Variants in AKAP11 observed in about 807,000 individuals in gnomAD.
AKAP11 encodes the protein A-kinase anchoring protein 11.
AKAP11 carries 36 observed loss-of-function variants against 146.1 expected under a neutral mutation model. The observed-to-expected ratio is 0.25, with a 90% CI of 0.19 to 0.33. AKAP11 has a LOEUF of 0.33. Ranked by LOEUF, AKAP11 falls within the 10% of genes least tolerant of loss-of-function variation. AKAP11 has a pLI of 1.00. For missense variants in AKAP11, 2,201 were observed against 2,197.0 expected, an observed-to-expected ratio of 1.00 and a Z score of -0.04; for synonymous variants, 780 against 786.5, an observed-to-expected ratio of 0.99 and a Z score of 0.14.
chr13:42,316,103 T>G (rs1039324690), intron 11 of AKAP11, among the ~76,000 whole-genome samples: 2 of 152,116 alleles, frequency 1.3e-5, no homozygotes, highest in African/African-American at 4.8e-5. Flanking sequence ...CCAAACCTAT[T>G]TTTGATTGAG....
In AKAP11 at chr13:42,300,452, T is replaced by C; in HGVS notation, c.1706T>C (p.Leu569Ser). The C allele has an allele frequency of 1.2e-6, 2 of 1,613,998 alleles. No homozygotes were observed. Among genetic ancestry groups the C allele is most frequent in the Non-Finnish European group, 1.7e-6 (2 of 1,179,952 alleles). The change falls in exon 8 of 13, where the codon TTA becomes TCA. Residue 569 changes from leucine (L) to serine (S), a missense_variant. Transcript: ENST00000025301. ...EKSFGSAFKDLQKGVSSCTNA... is the reference protein window; with the variant it reads ...EKSFGSAFKDSQKGVSSCTNA... ...AGTTTTGGCAGTGCATTTAAAGACTTACAGAAAGGAGTCTCTTCATGTACC... is the reference window on the plus strand; with the variant it reads ...AGTTTTGGCAGTGCATTTAAAGACTCACAGAAAGGAGTCTCTTCATGTACC...
chr13:42,300,758 C>T lies in AKAP11; in HGVS notation c.2012C>T (p.Pro671Leu). The T allele has an allele frequency of 6.2e-7, 1 of 1,614,088 alleles. No homozygotes were observed. Among genetic ancestry groups the T allele is most frequent in the Non-Finnish European group, 8.5e-7 (1 of 1,179,968 alleles). The change falls in exon 8 of 13, where the codon CCT becomes CTT. Residue 671 changes from proline (P) to leucine (L), a missense_variant. Physicochemically the swap from Pro to Leu is moderately conservative, Grantham distance 98. Transcript: ENST00000025301. Reference sequence around the variant, plus strand: ...TGTCAGTTTTCATATCCTCAAACGCCTGCATCTCCACAGTGTGGGTCGTTT... The same window carrying T: ...TGTCAGTTTTCATATCCTCAAACGCTTGCATCTCCACAGTGTGGGTCGTTT... ...EVCQFSYPQT[P>L]ASPQCGSFDF...
At chr13:42,318,221 A>T (rs976179374) in intron 12 of AKAP11, among the ~76,000 whole-genome samples, 3 of 152,224 alleles carry the variant, frequency 2.0e-5, no homozygotes, top group African/African-American at 7.2e-5. Context: ...TTCAGTTTAC[A>T]GTCTTAAGGT....
intron 1 of AKAP11, among the ~76,000 whole-genome samples, chr13:42,283,765 A>G (rs114922781): frequency 1.3e-5 from 2 of 152,178 alleles, no homozygotes; most frequent in Non-Finnish European, 1.5e-5. Context: ...GTTGTTTCCT[A>G]TCTCTTTTCC....
In AKAP11 at chr13:42,303,550, T is replaced by G; in HGVS notation, c.4804T>G (p.Ser1602Ala). 6.2e-7 allele frequency: 1 copy of G among 1,614,214 alleles called. No homozygotes were observed. Among genetic ancestry groups the G allele is most frequent in the South Asian group, 1.1e-5 (1 of 91,084 alleles). Residue 1602 changes from serine (S) to alanine (A), a missense_variant, in exon 8 of 13, where the codon TCA becomes GCA. Coordinates refer to ENST00000025301, the MANE Select transcript of AKAP11 (RefSeq NM_016248.4). Reference sequence around the variant, plus strand: ...AGAACTCCACAATTGCACTGGAAATTCATCTCAGCACTTTTTCAGACAGGG... The same window carrying G: ...AGAACTCCACAATTGCACTGGAAATGCATCTCAGCACTTTTTCAGACAGGG... ...LKELHNCTGN[S>A]SQHFFRQGSL...
intron 9 of AKAP11, among the ~76,000 whole-genome samples, chr13:42,309,734 C>G (rs147706871): frequency 1.2e-4 from 19 of 152,252 alleles, no homozygotes; most frequent in Non-Finnish European, 2.6e-4. Context: ...TGGCCCTTTT[C>G]TATAACTTTA....
chr13:42,319,009 A>T, intron 12 of AKAP11, 79 bp from the exon 13 acceptor site: 1 of 1,460,852 alleles, frequency 6.8e-7, no homozygotes, highest in Non-Finnish European at 9.2e-7. Context: ...CTTAAGTTTC[A>T]GCTAATATTG....
Position 42,302,952 on chromosome 13 carries a change from A to G in AKAP11, c.4206A>G (p.Gln1402=). 1 of 1,614,028 alleles carries G rather than the reference A, an allele frequency of 6.2e-7. No homozygotes were observed. Among genetic ancestry groups the G allele is most frequent in the South Asian group, 1.1e-5 (1 of 91,076 alleles). Residue 1402 remains glutamine (Q), a synonymous_variant, in exon 8 of 13, where the codon CAA becomes CAG. Transcript: ENST00000025301. ...GAATGTTCCCTGTGCCAAGTTCACA[A>G]GTGAAAACAAACAAGGAACTGTTAA... is the stretch of plus-strand genomic sequence containing the variant. ...NSRMFPVPSS[Q]VKTNKELLMF...
Position 42,272,196 on chromosome 13 carries a change from A to G in AKAP11, c.-132A>G, listed in dbSNP as rs538389059. 13 of 152,962 alleles carry G rather than the reference A, an allele frequency of 8.5e-5. No homozygotes were observed. The highest frequency in any genetic ancestry group is 3.1e-4 in the African/African-American group (13 of 41,456). The allele number at this position is 152,962 out of a possible 1,614,324, so 9.5% of individuals were successfully genotyped here. On this transcript the variant is annotated 5_prime_UTR_variant, in exon 1 of 13. The change abolishes an upstream ATG in the 5' untranslated region. Transcript: ENST00000025301. ...CTCACGGGTCGTTGAGGCCGGTGAC[A>G]TGTCTGTGAGCTGCGGAGGCTGCGG...
Position 42,299,385 on chromosome 13 carries a change from G to A in AKAP11, c.639G>A (p.Arg213=), listed in dbSNP as rs1959711730. Residue 213 remains arginine (R), a synonymous_variant, in exon 8 of 13, where the codon AGG becomes AGA. Transcript: ENST00000025301. ...TAGGAATGAACATTACTGTGCTAAG[G>A]AGCCAGTGTGATGCTGCTTCCCAGA... is the stretch of plus-strand genomic sequence containing the variant. ...YNDGMNITVL[R]SQCDAASQTV... is the part of the protein sequence containing the mutation. The A allele has an allele frequency of 3.1e-6, 5 of 1,613,330 alleles. No homozygotes were observed. Among genetic ancestry groups the A allele is most frequent in the Non-Finnish European group, 4.2e-6 (5 of 1,179,682 alleles).
At position 42,321,313 on chromosome 13, in the gene AKAP11, C is replaced by G. The variant is rs781737173; in HGVS notation, c.*2085C>G. 4 of 152,278 alleles carry G rather than the reference C, an allele frequency of 2.6e-5. No individual in the cohort carries two copies. Among genetic ancestry groups the G allele is most frequent in the Non-Finnish European group, 5.9e-5 (4 of 67,998 alleles). The allele number at this position is 152,278 out of a possible 1,614,324, so 9.4% of individuals were successfully genotyped here. A position where few individuals can be genotyped will look rare whatever the true frequency, so the allele number is the denominator to read the frequency against. On this transcript the variant is annotated 3_prime_UTR_variant, in exon 13 of 13. Transcript: ENST00000025301. ...TGTTTATTTCTGTTTATGGTGTAAT[C>G]ATTCTGAGGTGAGGCTTTTCTTATT...
chr13:42,313,772 C>T, intron 10 of AKAP11, 122 bp from the exon 11 acceptor site: 1 of 735,480 alleles, frequency 1.4e-6, no homozygotes, highest in South Asian at 2.3e-5. Context: ...TCATTTCTCC[C>T]CTTTCTAAAT....
chr13:42,317,407 A>G (rs980658202), intron 11 of AKAP11, 121 bp from the exon 12 acceptor site: 1 of 1,061,534 alleles, frequency 9.4e-7, no homozygotes, highest in African/African-American at 1.6e-5. Context: ...AAAGATGGAT[A>G]TTTTTTTCAC....
In AKAP11 at chr13:42,303,678, T is replaced by G; in HGVS notation, c.4932T>G (p.Leu1644=). The G allele has an allele frequency of 6.2e-7, 1 of 1,614,152 alleles. No individual in the cohort carries two copies. The highest frequency in any genetic ancestry group is 8.5e-7 in the Non-Finnish European group (1 of 1,180,018). ...HLSVPQIHVN[L]DKKAVLAEKI... ...GTGTCCCTCAGATTCATGTTAATCT[T>G]GATAAGAAGGCAGTGCTTGCTGAGA... Residue 1644 remains leucine (L), a synonymous_variant, in exon 8 of 13, where the codon CTT becomes CTG. Transcript: ENST00000025301.
At position 42,301,817 on chromosome 13, in the gene AKAP11, C is replaced by T; in HGVS notation, c.3071C>T (p.Pro1024Leu). 1.2e-6 allele frequency: 2 copies of T among 1,614,116 alleles called. No homozygotes were observed. The highest frequency in any genetic ancestry group is 1.1e-5 in the South Asian group (1 of 91,076). Residue 1024 changes from proline (P) to leucine (L), a missense_variant, in exon 8 of 13, where the codon CCA becomes CTA. By Grantham distance (98) the Pro-to-Leu change is moderately conservative. Transcript: ENST00000025301. ...MVHGSSLETL[P>L]SCPAVTGQKS... is the part of the protein sequence containing the mutation. ...CATGGATCCTCCCTAGAGACACTGCCATCTTGTCCAGCTGTGACAGGTCAG... is the reference window on the plus strand; with the variant it reads ...CATGGATCCTCCCTAGAGACACTGCTATCTTGTCCAGCTGTGACAGGTCAG...
chr13:42,271,586 T>C (rs1225879310), upstream of AKAP11, among the ~76,000 whole-genome samples: 1 of 152,150 alleles, frequency 6.6e-6, no homozygotes, highest in Admixed American at 6.5e-5. Flanking sequence ...AAAACTAGCC[T>C]TGTGGCGAAG....
intron 12 of AKAP11, among the ~76,000 whole-genome samples, chr13:42,318,745 G>A (rs1960947394): frequency 6.6e-6 from 1 of 152,150 alleles, no homozygotes; most frequent in South Asian, 2.1e-4. Context: ...TCCTAATTGA[G>A]GGTGTGGCAG....
intron 9 of AKAP11, among the ~76,000 whole-genome samples, chr13:42,311,540 G>C (rs1960563876): frequency 6.6e-6 from 1 of 151,966 alleles, no homozygotes; most frequent in Admixed American, 6.6e-5. Context: ...GCACAAAGAG[G>C]GAGGGGTGAT....
At chr13:42,304,604 A>G (rs747954644) in intron 8 of AKAP11, among the ~76,000 whole-genome samples, 6 of 152,228 alleles carry the variant, frequency 3.9e-5, no homozygotes, top group East Asian at 1.9e-4. Flanking sequence ...TCTTATAAAG[A>G]CCATGGTTAA....
Sources: gnomAD v4.1 joint callset for allele counts (sites outside exome capture counted in the v4.1 genomes callset) on GRCh38, gnomAD v4.1.1 for gene constraint, MANE v1.5 for transcripts, NCBI Gene and HGNC (gene_info 2026-07-23, HGNC 2026-07-21) for gene names.